Variants in PXDNL observed in about 807,000 individuals in gnomAD.
The protein encoded by PXDNL is probable oxidoreductase PXDNL.
PXDNL carries 145 observed loss-of-function variants against 150.8 expected under a neutral mutation model. The ratio of observed to expected loss-of-function variants is 0.96; its 90% CI spans 0.84 to 1.10. The LOEUF is 1.10. Ranked by LOEUF, PXDNL falls within the 50% of genes least tolerant of loss-of-function variation. PXDNL has a pLI of 0.00. For synonymous variants in PXDNL, 757 were observed against 725.7 expected (o/e 1.04, Z -0.69); for missense variants, 2,087 against 1,873.9 (o/e 1.11, Z -2.10).
chr8:51,342,395 T>G (rs1191569262), intron 20 of PXDNL, among the ~76,000 whole-genome samples: 1 of 152,098 alleles, frequency 6.6e-6, no homozygotes, highest in Non-Finnish European at 1.5e-5. Flanking sequence ...AGGTAGCACA[T>G]GTTATTTTAG....
intron 4 of PXDNL, among the ~76,000 whole-genome samples, chr8:51,535,123 G>A (rs1385391531): frequency 1.6e-5 from 2 of 126,674 alleles, no homozygotes; most frequent in Non-Finnish European, 3.2e-5. Context: ...CCGGCCAGCC[G>A]CCCCATCCGG....
intron 8 of PXDNL, among the ~76,000 whole-genome samples, chr8:51,465,379 A>G (rs1470630685): frequency 6.6e-6 from 1 of 152,156 alleles, no homozygotes; most frequent in Admixed American, 6.6e-5. Flanking sequence ...AAACCTCAAC[A>G]AACTAGGCGT....
At chr8:51,778,155 T>A (rs1364596986) in intron 1 of PXDNL, among the ~76,000 whole-genome samples, 1 of 151,632 alleles carries the variant, frequency 6.6e-6, no homozygotes, top group Non-Finnish European at 1.5e-5. Context: ...GCTAACACAA[T>A]GAAACCCCTA....
chr8:51,638,124 A>G (rs1222497519), intron 2 of PXDNL, among the ~76,000 whole-genome samples: 3 of 152,226 alleles, frequency 2.0e-5, no homozygotes, highest in African/African-American at 7.2e-5. Context: ...AAGGATAAAT[A>G]AAATACTTTA....
chr8:51,776,224 C>A (rs1038809247), intron 1 of PXDNL, among the ~76,000 whole-genome samples: 2 of 152,138 alleles, frequency 1.3e-5, no homozygotes, highest in East Asian at 3.9e-4. Flanking sequence ...GTCCTGTGGT[C>A]CTATGATCTC....
At chr8:51,653,647 T>TA (rs1309560967) in intron 2 of PXDNL, among the ~76,000 whole-genome samples, 4 of 152,178 alleles carry the variant, frequency 2.6e-5, no homozygotes, top group African/African-American at 4.8e-5. Context: ...GATACTGTGA[T>TA]AAAAATATGT....
chr8:51,687,369 G>T (rs1815898964), intron 1 of PXDNL, among the ~76,000 whole-genome samples: 1 of 152,144 alleles, frequency 6.6e-6, no homozygotes, highest in Non-Finnish European at 1.5e-5. Flanking sequence ...TAAAAATGTT[G>T]ATGATACAAT....
At chr8:51,681,231 T>A (rs931518582) in intron 1 of PXDNL, among the ~76,000 whole-genome samples, 1 of 151,182 alleles carries the variant, frequency 6.6e-6, no homozygotes, top group South Asian at 2.1e-4. Context: ...AACCCTCCCA[T>A]CCCCAAGACC....
At chr8:51,498,207 C>G (rs1411345556) in intron 5 of PXDNL, among the ~76,000 whole-genome samples, 1 of 148,982 alleles carries the variant, frequency 6.7e-6, no homozygotes, top group Non-Finnish European at 1.5e-5. Context: ...CGCATGTTGT[C>G]ACTCATAGGT....
intron 15 of PXDNL, among the ~76,000 whole-genome samples, chr8:51,412,297 C>A (rs1808674966): frequency 1.3e-5 from 2 of 152,144 alleles, no homozygotes; most frequent in South Asian, 4.1e-4. Context: ...TGTTGAAGCA[C>A]TTTTTACATA....
chr8:51,408,904 G>C lies in PXDNL; in HGVS notation c.2720C>G (p.Ser907Cys). 1 of 1,609,012 alleles carries C rather than the reference G, an allele frequency of 6.2e-7. No homozygotes were observed. The highest frequency in any genetic ancestry group is 1.7e-4 in the Middle Eastern group (1 of 6,030). ...SNVYGSSERE[S>C]QALRDPSVPR... ...CACCGAAGGGTCTCTGAGAGCCTGGGATTCCCGCTCCGAGCTCCCGTAAAC... is the reference window on the plus strand; with the variant it reads ...CACCGAAGGGTCTCTGAGAGCCTGGCATTCCCGCTCCGAGCTCCCGTAAAC... The change falls in exon 17 of 23, where the codon TCC (serine) becomes TGC (cysteine). Residue 907 changes from serine to cysteine, a missense_variant. Physicochemically the swap from Ser to Cys is moderately radical, Grantham distance 112. Coordinates refer to ENST00000356297, the MANE Select transcript of PXDNL (RefSeq NM_144651.5).
chr8:51,460,905 C>T (rs1810063114), intron 8 of PXDNL, among the ~76,000 whole-genome samples: 1 of 152,208 alleles, frequency 6.6e-6, no homozygotes, highest in African/African-American at 2.4e-5. Context: ...CCCCTGCTGA[C>T]TGCTGGGCTG....
At chr8:51,334,301 T>C (rs1302633631) in intron 21 of PXDNL, among the ~76,000 whole-genome samples, 3 of 152,076 alleles carry the variant, frequency 2.0e-5, no homozygotes, top group Non-Finnish European at 4.4e-5. Flanking sequence ...TATCAAAATC[T>C]CTGGGATACA....
intron 4 of PXDNL, among the ~76,000 whole-genome samples, chr8:51,518,861 G>C (rs1183749975): frequency 6.6e-6 from 1 of 152,134 alleles, no homozygotes; most frequent in African/African-American, 2.4e-5. Context: ...AACCTGGGAG[G>C]TGATAATTGC....
rs561961896 is a variant in PXDNL at position 51,322,562 on chromosome 8, T to A, written c.4147-1665A>T. Among the ~76,000 whole-genome samples, 43 of 152,140 alleles carry A rather than the reference T, an allele frequency of 2.8e-4. No individual in the cohort carries two copies. In the South Asian group the frequency reaches 8.9e-3, roughly 32 times the overall value. ...CACAATGATCACTCCTGTGGCAACA[T>A]GAAGGATCACTGGTGAGAAACTAAC... On this transcript the variant is annotated intron_variant, in intron 21 of 22. Transcript: ENST00000356297.
intron 1 of PXDNL, among the ~76,000 whole-genome samples, chr8:51,691,713 C>T (rs1436842009): frequency 2.6e-5 from 4 of 152,156 alleles, no homozygotes; most frequent in African/African-American, 9.7e-5. Context: ...ATCCCTCTTT[C>T]TTCCCTTCTT....
chr8:51,638,832 A>G lies in PXDNL; in HGVS notation c.236+15857T>C, dbSNP rs367587326. On this transcript the variant is annotated intron_variant, in intron 2 of 22. Transcript: ENST00000356297. ...AAAAGGATATCCAGGAATTGAACTC[A>G]GCTCTGAACCAAGCAGACCTAATAG... 2.4e-3 allele frequency among the ~76,000 whole-genome samples: 368 copies of G among 152,326 alleles called. 2 individuals carry two copies. The highest frequency in any genetic ancestry group is 6.8e-3 in the African/African-American group (284 of 41,572).
chr8:51,442,518 T>C (rs1378459354), intron 12 of PXDNL, among the ~76,000 whole-genome samples: 1 of 152,056 alleles, frequency 6.6e-6, no homozygotes, highest in Admixed American at 6.6e-5. Flanking sequence ...TATTTTATCA[T>C]GTTAAAGAAA....
intron 2 of PXDNL, 65 bp downstream of exon 2, chr8:51,654,624 C>A: frequency 8.2e-7 from 1 of 1,215,204 alleles, no homozygotes; most frequent in Non-Finnish European, 1.2e-6. Context: ...ATGACTTTCA[C>A]GGTAAATTGC....
Sources: allele counts gnomAD v4.1 joint callset (sites outside exome capture counted in the v4.1 genomes callset), GRCh38; gene constraint gnomAD v4.1.1; transcripts MANE v1.5; gene names NCBI Gene and HGNC (gene_info 2026-07-23, HGNC 2026-07-21).